The following SERINC3 variants were observed in gnomAD, a reference collection of about 807,000 sequenced individuals.
SERINC3 encodes serine incorporator 3, also known as tumor differentially expressed protein 1.
A neutral mutation model predicts 52.1 loss-of-function variants in SERINC3; 22 were observed. The observed-to-expected ratio is 0.42, with a 90% CI of 0.30 to 0.60. The LOEUF is 0.60. Among genes scored for constraint, SERINC3 ranks in the 20% least tolerant of loss-of-function variants. SERINC3 has a pLI of 0.16. For missense variants in SERINC3, 564 were observed against 584.6 expected (o/e 0.96, Z 0.36); for synonymous variants, 226 against 212.7 (o/e 1.06, Z -0.54).
chr20:44,506,365 G>A (rs1035331236), intron 6 of SERINC3, among the ~76,000 whole-genome samples: 7 of 150,996 alleles, frequency 4.6e-5, no homozygotes, highest in Non-Finnish European at 4.4e-5. Flanking sequence ...AGGCCGAGGC[G>A]GGTGGATCAC....
At chr20:44,512,128 C>A (rs2123057432) in intron 3 of SERINC3, among the ~76,000 whole-genome samples, 1 of 152,180 alleles carries the variant, frequency 6.6e-6, no homozygotes, top group Middle Eastern at 3.4e-3. Context: ...GCCTGGCCAA[C>A]ACGGTGAAAC....
chr20:44,501,215 C>T lies in SERINC3; in HGVS notation c.1141G>A (p.Gly381Ser). Residue 381 changes from glycine (G) to serine (S), a missense_variant, in exon 9 of 10, where the codon GGT becomes AGT. Transcript: ENST00000342374. ...TGTCCATCTTCTTCATCACTGGCAC[C>T]ACTGGTAGTTGTATCACCAAGGATG... is the stretch of plus-strand genomic sequence containing the variant. Reference protein sequence around the residue: ...SVILGDTTTSGASDEEDGQPR... With the variant: ...SVILGDTTTSSASDEEDGQPR... 6.2e-7 allele frequency: 1 copy of T among 1,614,172 alleles called. No homozygotes were observed. The highest frequency in any genetic ancestry group is 1.1e-5 in the South Asian group (1 of 91,074).
At chr20:44,502,356 G>A (rs764481253) in intron 8 of SERINC3, among the ~76,000 whole-genome samples, 1 of 152,146 alleles carries the variant, frequency 6.6e-6, no homozygotes, top group Non-Finnish European at 1.5e-5. Flanking sequence ...AGAGGCTGAG[G>A]TGGGAGGATC....
rs1028572533 is a variant in SERINC3 at position 44,513,910 on chromosome 20, T to A, written c.170A>T (p.Gln57Leu). ...LLSTVVSYIMQRKEMETYLKK... is the reference protein window; with the variant it reads ...LLSTVVSYIMLRKEMETYLKK... ...CAAGTAAGTTTCCATCTCTTTTCTCTGCATGATATAGGATACGACAGTGCT... is the reference window on the plus strand; with the variant it reads ...CAAGTAAGTTTCCATCTCTTTTCTCAGCATGATATAGGATACGACAGTGCT... The change falls in exon 2 of 10, where the codon CAG becomes CTG. Residue 57 changes from glutamine (Q) to leucine (L), a missense_variant. Transcript: ENST00000342374. The A allele has an allele frequency of 1.2e-6, 2 of 1,611,578 alleles. No individual in the cohort carries two copies. The highest frequency in any genetic ancestry group is 3.4e-5 in the Admixed American group (2 of 59,574).
chr20:44,516,040 A>G (rs2123067848), intron 1 of SERINC3, among the ~76,000 whole-genome samples: 1 of 152,144 alleles, frequency 6.6e-6, no homozygotes. Context: ...GTGGTGGCTC[A>G]CGCCTGTAAT....
intron 7 of SERINC3, 63 bp from the exon 8 acceptor site, chr20:44,504,058 G>A: frequency 7.2e-7 from 1 of 1,379,920 alleles, no homozygotes; most frequent in African/African-American, 1.5e-5. Flanking sequence ...GAAAGAACTT[G>A]AGGAGTTCCC....
intron 4 of SERINC3, among the ~76,000 whole-genome samples, chr20:44,510,244 C>G (rs1246188066): frequency 1.3e-5 from 2 of 152,154 alleles, no homozygotes; most frequent in Non-Finnish European, 2.9e-5. Context: ...CCAAGGGAAG[C>G]CTGGGACCTG....
intron 9 of SERINC3, among the ~76,000 whole-genome samples, chr20:44,500,653 C>G (rs1455298441): frequency 2.6e-5 from 4 of 152,292 alleles, no homozygotes; most frequent in Admixed American, 6.5e-5. Flanking sequence ...GACTTTTCTT[C>G]TTGCCAGCAT....
At chr20:44,517,916 C>G in intron 1 of SERINC3, among the ~76,000 whole-genome samples, 1 of 152,152 alleles carries the variant, frequency 6.6e-6, no homozygotes, top group South Asian at 2.1e-4. Flanking sequence ...TGTCATTTTT[C>G]TATTTCAGTA....
At chr20:44,513,782 A>T in intron 2 of SERINC3, 97 bp downstream of exon 2, 1 of 1,099,282 alleles carries the variant, frequency 9.1e-7, no homozygotes, top group Non-Finnish European at 1.2e-6. Flanking sequence ...TCTCCAAATT[A>T]CAACCAACTT....
chr20:44,511,497 C>T, intron 3 of SERINC3, 129 bp from the exon 4 acceptor site: 2 of 622,342 alleles, frequency 3.2e-6, no homozygotes, highest in South Asian at 4.2e-5. Context: ...GGACTATTTT[C>T]TTCATTTGAC....
At chr20:44,502,648 T>C (rs938612841) in intron 8 of SERINC3, among the ~76,000 whole-genome samples, 3 of 151,708 alleles carry the variant, frequency 2.0e-5, no homozygotes, top group Non-Finnish European at 4.4e-5. Flanking sequence ...GGTCTCACTC[T>C]GTCACCCAGG....
Position 44,503,846 on chromosome 20 carries a change from A to G in SERINC3, c.1024T>C (p.Phe342Leu), listed in dbSNP as rs768623394. The G allele has an allele frequency of 1.9e-6, 3 of 1,583,032 alleles. No homozygotes were observed. Among genetic ancestry groups the G allele is most frequent in the Non-Finnish European group, 2.6e-6 (3 of 1,169,474 alleles). The change falls in exon 8 of 10, where the codon TTT (phenylalanine) becomes CTT (leucine). Residue 342 changes from phenylalanine (F) to leucine (L), a missense_variant. Physicochemically the swap from Phe to Leu is conservative, Grantham distance 22. Transcript: ENST00000342374. ...TACAAGAGGCAGAGAACAAAGACAA[A>G]CAGTCCAATAAAATTATCTGAATCC... The part of the protein sequence containing the change: ...LLDSDNFIGL[F>L]VFVLCLLYSS...
intron 2 of SERINC3, among the ~76,000 whole-genome samples, 196 bp from the exon 3 acceptor site, chr20:44,513,190 A>G (rs1392839021): frequency 6.6e-6 from 1 of 152,226 alleles, no homozygotes; most frequent in Non-Finnish European, 1.5e-5. Flanking sequence ...TTTTAAAAAT[A>G]AAAATGCTCT....
intron 9 of SERINC3, among the ~76,000 whole-genome samples, 169 bp downstream of exon 9, chr20:44,500,904 A>G (rs1249207737): frequency 1.3e-5 from 2 of 152,212 alleles, no homozygotes; most frequent in Non-Finnish European, 2.9e-5. Context: ...TTTGCATTGC[A>G]AAGAATTCCA....
At chr20:44,516,014 T>C (rs550635334) in intron 1 of SERINC3, among the ~76,000 whole-genome samples, 2 of 151,984 alleles carry the variant, frequency 1.3e-5, no homozygotes, top group African/African-American at 4.8e-5. Flanking sequence ...TTTTAAAGAG[T>C]AACCTAGGGC....
intron 8 of SERINC3, among the ~76,000 whole-genome samples, chr20:44,501,972 T>C (rs148764628): frequency 1.9e-4 from 29 of 152,174 alleles, no homozygotes; most frequent in African/African-American, 7.0e-4. Context: ...ACAGTCAAAG[T>C]AGAACTTCCT....
At chr20:44,516,659 TG>T (rs2064382674) in intron 1 of SERINC3, among the ~76,000 whole-genome samples, 1 of 152,184 alleles carries the variant, frequency 6.6e-6, no homozygotes, top group Non-Finnish European at 1.5e-5. Context: ...CCCAAAGGGC[TG>T]GGATTACATG....
In SERINC3 at chr20:44,522,023, G is replaced by T; in HGVS notation, c.-72C>A. The stretch of plus-strand genomic sequence containing the variant: ...CACGGTGGTAACTGCCAGCTGAGGT[G>T]ACTCCCCAGAAACATGACGGTTTCT... On this transcript the variant is annotated 5_prime_UTR_variant, in exon 1 of 10. Coordinates refer to ENST00000342374, the MANE Select transcript of SERINC3 (RefSeq NM_006811.4). 1.4e-6 allele frequency: 2 copies of T among 1,456,624 alleles called. No homozygotes were observed. The highest frequency in any genetic ancestry group is 2.5e-5 in the East Asian group (1 of 40,376). 90.2% of individuals were successfully genotyped at this position (1,456,624 alleles called of 1,614,324 possible). A position where few individuals can be genotyped will look rare whatever the true frequency, so the allele number is the denominator to read the frequency against.
Sources: allele counts gnomAD v4.1 joint callset (sites outside exome capture counted in the v4.1 genomes callset), GRCh38; gene constraint gnomAD v4.1.1; transcripts MANE v1.5; gene names NCBI Gene and HGNC (gene_info 2026-07-23, HGNC 2026-07-21).